SLC25A21: variants seen among roughly 807,000 people sequenced by gnomAD.
SLC25A21 encodes solute carrier family 25 member 21.
In SLC25A21, 47 loss-of-function variants were observed where a neutral mutation model predicts 43.8. That is an observed-to-expected ratio of 1.07 (90% confidence interval 0.85 to 1.37). SLC25A21 has a LOEUF of 1.37. Ranked by LOEUF, SLC25A21 falls within the 40% of genes most tolerant of loss-of-function variation. The pLI, the probability that SLC25A21 is intolerant of heterozygous loss-of-function variation, is 0.00. For missense variants in SLC25A21, 352 were observed against 350.2 expected (o/e 1.00, Z -0.04); for synonymous variants, 131 against 121.3 (o/e 1.08, Z -0.52).
At chr14:36,894,122 A>C (rs1891168755) in intron 1 of SLC25A21, among the ~76,000 whole-genome samples, 1 of 152,154 alleles carries the variant, frequency 6.6e-6, no homozygotes. Flanking sequence ...TCTATAAATT[A>C]CCTTGGCAGT....
chr14:37,096,266 T>C (rs868086148), intron 1 of SLC25A21, among the ~76,000 whole-genome samples: 1 of 152,218 alleles, frequency 6.6e-6, no homozygotes, highest in Non-Finnish European at 1.5e-5. Context: ...AACAGAATTG[T>C]AGTTATAAAC....
At chr14:36,929,620 A>G (rs113772545) in intron 1 of SLC25A21, among the ~76,000 whole-genome samples, 2,615 of 152,258 alleles carry the variant, frequency 0.017, 68 homozygotes, top group African/African-American at 0.059. Context: ...TAAATAGAGT[A>G]AGCATCATGG....
chr14:37,026,336 T>A (rs2138761291), intron 1 of SLC25A21, among the ~76,000 whole-genome samples: 2 of 152,290 alleles, frequency 1.3e-5, no homozygotes, highest in African/African-American at 4.8e-5. Context: ...TATTCTCCAA[T>A]AAACGTATTT....
intron 7 of SLC25A21, among the ~76,000 whole-genome samples, chr14:36,708,527 T>C (rs1883677024): frequency 6.6e-6 from 1 of 152,186 alleles, no homozygotes; most frequent in Non-Finnish European, 1.5e-5. Flanking sequence ...AGTCTTGCCC[T>C]TCCAGGCTCA....
At chr14:36,874,045 G>C (rs533668259) in intron 2 of SLC25A21, among the ~76,000 whole-genome samples, 1 of 152,322 alleles carries the variant, frequency 6.6e-6, no homozygotes, top group Admixed American at 6.5e-5. Flanking sequence ...TATTAGAAAT[G>C]TAATATTATT....
intron 1 of SLC25A21, among the ~76,000 whole-genome samples, chr14:37,136,977 A>T (rs1051162200): frequency 1.3e-5 from 2 of 152,148 alleles, no homozygotes; most frequent in Non-Finnish European, 2.9e-5. Flanking sequence ...TGTATGTCTG[A>T]AATCTGTATG....
chr14:37,105,703 A>G (rs1035297351), intron 1 of SLC25A21, among the ~76,000 whole-genome samples: 1 of 152,226 alleles, frequency 6.6e-6, no homozygotes, highest in African/African-American at 2.4e-5. Context: ...GAGATCACTT[A>G]TCATAAAGAA....
At chr14:36,923,948 G>A (rs1892053999) in intron 1 of SLC25A21, among the ~76,000 whole-genome samples, 1 of 152,180 alleles carries the variant, frequency 6.6e-6, no homozygotes, top group Non-Finnish European at 1.5e-5. Context: ...CTGGCCATCA[G>A]AGAAATGCAA....
At chr14:36,938,165 T>C (rs993398621) in intron 1 of SLC25A21, among the ~76,000 whole-genome samples, 6 of 152,164 alleles carry the variant, frequency 3.9e-5, no homozygotes, top group Non-Finnish European at 7.4e-5. Context: ...AAGCTACATA[T>C]AGAGCCCTAG....
At chr14:36,826,821 C>T (rs927071733) in intron 2 of SLC25A21, among the ~76,000 whole-genome samples, 47 of 152,282 alleles carry the variant, frequency 3.1e-4, no homozygotes, top group African/African-American at 1.1e-3. Context: ...TTTCCTGTAG[C>T]ATTCTCTCCC....
intron 2 of SLC25A21, among the ~76,000 whole-genome samples, chr14:36,855,375 C>T (rs948491699): frequency 6.6e-6 from 1 of 152,008 alleles, no homozygotes; most frequent in Non-Finnish European, 1.5e-5. Flanking sequence ...CAGGGGTATC[C>T]TGAGAAAAAG....
Position 36,768,933 on chromosome 14 carries a change from C to CA in SLC25A21, c.204-34361dup, listed in dbSNP as rs3061623. ...AACAAAGTGAGACCTCTGTCTCTAC[C>CA]AAAAAAAAAAAAAACAAAAACCTAT... On this transcript the variant is annotated intron_variant, in intron 3 of 9. Coordinates refer to ENST00000331299, the MANE Select transcript of SLC25A21 (RefSeq NM_030631.4). 4.5e-3 allele frequency among the ~76,000 whole-genome samples: 568 copies of CA among 125,994 alleles called. 8 individuals carry two copies. Among genetic ancestry groups the CA allele is most frequent in the Middle Eastern group, 0.016 (4 of 246 alleles). The allele number at this position is 125,994 out of a possible 152,430, so 82.7% of individuals were successfully genotyped here.
rs1331684337 is a variant in SLC25A21, at chr14:36,679,019, C to A, written c.*1639G>T. 6.0e-5 allele frequency: 54 copies of A among 894,634 alleles called. No homozygotes were observed. The South Asian group carries it at 2.7e-3, about 44-fold the overall frequency. 55.4% of individuals were successfully genotyped at this position (894,634 alleles called of 1,614,324 possible). A position where few individuals can be genotyped will look rare whatever the true frequency, so the allele number is the denominator to read the frequency against. On this transcript the variant is annotated 3_prime_UTR_variant, in exon 10 of 10. Transcript: ENST00000331299. ...AGATGGTAAAAGTGTTGCTTTTAAACTGGCAAATGCACTCTTCAGAAATCC... is the reference window on the plus strand; with the variant it reads ...AGATGGTAAAAGTGTTGCTTTTAAAATGGCAAATGCACTCTTCAGAAATCC...
intron 1 of SLC25A21, among the ~76,000 whole-genome samples, chr14:36,914,099 T>C (rs1891764984): frequency 6.6e-6 from 1 of 152,192 alleles, no homozygotes; most frequent in Admixed American, 6.6e-5. Context: ...CAGCAGAGGT[T>C]GAACAAGAAC....
chr14:36,684,622 G>GAA, intron 8 of SLC25A21, 122 bp downstream of exon 8: 1 of 863,114 alleles, frequency 1.2e-6, no homozygotes, highest in Non-Finnish European at 1.7e-6. Flanking sequence ...TATATTCGCA[G>GAA]TTTCTTAGAC....
At chr14:36,938,204 T>C (rs1346846467) in intron 1 of SLC25A21, among the ~76,000 whole-genome samples, 1 of 152,154 alleles carries the variant, frequency 6.6e-6, no homozygotes, top group Non-Finnish European at 1.5e-5. Flanking sequence ...TTCATCTTTC[T>C]TCGAGAAGCC....
At chr14:36,776,875 C>T (rs74044982) in intron 3 of SLC25A21, among the ~76,000 whole-genome samples, 6,950 of 152,212 alleles carry the variant, frequency 0.046, 543 homozygotes, top group African/African-American at 0.16. Context: ...TTAGAGATAC[C>T]TCCCCTGCTA....
At chr14:37,121,687 C>T (rs777072293) in intron 1 of SLC25A21, among the ~76,000 whole-genome samples, 2 of 151,964 alleles carry the variant, frequency 1.3e-5, no homozygotes, top group Non-Finnish European at 2.9e-5. Context: ...ACTTGGGAGG[C>T]TGAGGCAGGA....
chr14:36,918,883 C>A (rs527337174), intron 1 of SLC25A21, among the ~76,000 whole-genome samples: 1 of 152,074 alleles, frequency 6.6e-6, no homozygotes, highest in South Asian at 2.1e-4. Flanking sequence ...GTGTAAGACA[C>A]ATAAATTTTT....
Sources: gnomAD v4.1 joint callset for allele counts (sites outside exome capture counted in the v4.1 genomes callset) on GRCh38, gnomAD v4.1.1 for gene constraint, MANE v1.5 for transcripts, NCBI Gene and HGNC (gene_info 2026-07-23, HGNC 2026-07-21) for gene names.